The following GRM5 variants were observed in gnomAD, a reference collection of about 807,000 sequenced individuals.
GRM5 encodes glutamate metabotropic receptor 5.
GRM5 carries 19 observed loss-of-function variants against 83.1 expected under a neutral mutation model. That is an observed-to-expected ratio of 0.23 (90% CI 0.16 to 0.34). The LOEUF (loss-of-function observed/expected upper bound fraction) is 0.34. Ranked by LOEUF, GRM5 falls within the 10% of genes least tolerant of loss-of-function variation. The pLI is 1.00. For synonymous variants in GRM5, 675 were observed against 633.6 expected (o/e 1.07, Z -0.98); for missense variants, 1,160 against 1,588.3 (o/e 0.73, Z 4.58).
intron 6 of GRM5, among the ~76,000 whole-genome samples, chr11:88,594,761 A>C (rs1937753075): frequency 6.6e-6 from 1 of 152,216 alleles, no homozygotes; most frequent in African/African-American, 2.4e-5. Context: ...TCTTAATCAC[A>C]GATGAAAAAA....
At chr11:88,709,974 C>G (rs1402250192) in intron 3 of GRM5, among the ~76,000 whole-genome samples, 1 of 152,108 alleles carries the variant, frequency 6.6e-6, no homozygotes, top group Non-Finnish European at 1.5e-5. Context: ...GTTGAAGGCC[C>G]CTTTGGTTCT....
intron 2 of GRM5, among the ~76,000 whole-genome samples, chr11:89,013,129 T>C (rs1294700201): frequency 6.6e-6 from 1 of 152,230 alleles, no homozygotes; most frequent in Non-Finnish European, 1.5e-5. Context: ...ACAGTTAAGA[T>C]CAGACTTTAA....
At chr11:88,568,217 C>G (rs1485873294) in intron 7 of GRM5, among the ~76,000 whole-genome samples, 1 of 152,128 alleles carries the variant, frequency 6.6e-6, no homozygotes. Flanking sequence ...ATTCTAGGTT[C>G]TGAAACAAAA....
chr11:88,641,808 T>A (rs1018037751), intron 4 of GRM5, among the ~76,000 whole-genome samples: 2 of 152,204 alleles, frequency 1.3e-5, no homozygotes, highest in Non-Finnish European at 2.9e-5. Context: ...CTCCTGTGGC[T>A]TTGCAAGGTT....
intron 2 of GRM5, among the ~76,000 whole-genome samples, chr11:88,949,637 G>A (rs749140211): frequency 1.5e-4 from 23 of 151,992 alleles, no homozygotes; most frequent in Non-Finnish European, 2.9e-4. Flanking sequence ...AAATAATAAC[G>A]CATAGATTTT....
At chr11:88,779,310 A>C (rs938759476) in intron 3 of GRM5, among the ~76,000 whole-genome samples, 3 of 152,164 alleles carry the variant, frequency 2.0e-5, no homozygotes, top group African/African-American at 7.2e-5. Flanking sequence ...TATTCCTTCA[A>C]TTCTTCATCT....
At chr11:88,553,608 A>C (rs1429836054) in intron 8 of GRM5, among the ~76,000 whole-genome samples, 1 of 152,158 alleles carries the variant, frequency 6.6e-6, no homozygotes, top group Non-Finnish European at 1.5e-5. Flanking sequence ...ATTAAGATGG[A>C]TGGTATAGCA....
chr11:88,758,399 T>C lies in GRM5; in HGVS notation c.911+91507A>G, dbSNP rs114767420. 9.1e-3 allele frequency among the ~76,000 whole-genome samples: 1,383 copies of C among 152,216 alleles called. 18 individuals carry two copies. Among genetic ancestry groups the C allele is most frequent in the African/African-American group, 0.031 (1,304 of 41,536 alleles). On this transcript the variant is annotated intron_variant, in intron 3 of 9. Transcript: ENST00000305447. ...ATAGAAAAGTATGTAACCAACCCAA[T>C]AGACGTGGAAGACACACTACAAGAA...
At chr11:88,625,775 T>TTA (rs1363269506) in intron 4 of GRM5, among the ~76,000 whole-genome samples, 6 of 151,982 alleles carry the variant, frequency 3.9e-5, no homozygotes, top group African/African-American at 1.4e-4. Flanking sequence ...AATTCTAAAA[T>TTA]AAGAGTTGAA....
intron 3 of GRM5, among the ~76,000 whole-genome samples, chr11:88,787,097 G>C (rs1356390403): frequency 6.6e-6 from 1 of 151,020 alleles, no homozygotes; most frequent in African/African-American, 2.4e-5. Flanking sequence ...AAAACAAGCA[G>C]ATATCTTTAT....
rs77545829 is a variant in GRM5, at chr11:88,615,519, C to T, written c.1148-10555G>A. 7.4e-3 allele frequency among the ~76,000 whole-genome samples: 1,121 copies of T among 152,094 alleles called. 9 individuals are homozygous for T. Among genetic ancestry groups the T allele is most frequent in the African/African-American group, 0.026 (1,082 of 41,484 alleles). ...CCAGAGAAGGAAGCACATGGCTGAC[C>T]TTTCACCTTCTTCAGGTAGCTGAGA... On this transcript the variant is annotated intron_variant, in intron 4 of 9. Transcript: ENST00000305447.
At chr11:89,001,425 T>C (rs992384806) in intron 2 of GRM5, among the ~76,000 whole-genome samples, 6 of 152,100 alleles carry the variant, frequency 3.9e-5, no homozygotes, top group African/African-American at 1.2e-4. Context: ...CACCAGAGAA[T>C]AATGCTAAGT....
At chr11:88,514,775 G>A (rs1941476670) in intron 9 of GRM5, among the ~76,000 whole-genome samples, 1 of 152,090 alleles carries the variant, frequency 6.6e-6, no homozygotes, top group Non-Finnish European at 1.5e-5. Flanking sequence ...CAAATAAAGT[G>A]GATATTAACG....
chr11:88,980,823 A>C, intron 2 of GRM5, among the ~76,000 whole-genome samples: 1 of 151,886 alleles, frequency 6.6e-6, no homozygotes, highest in East Asian at 1.9e-4. Flanking sequence ...ACTCTGTCTC[A>C]AAAAAAATAA....
rs544607236 is a variant in GRM5, at chr11:88,874,254, G to A, written c.662-24099C>T. Among the ~76,000 whole-genome samples the A allele has an allele frequency of 6.6e-5, 10 of 151,788 alleles. No individual in the cohort carries two copies. The South Asian group carries it at 1.9e-3, about 28-fold the overall frequency. On this transcript the variant is annotated intron_variant, in intron 2 of 9. Transcript: ENST00000305447. ...ATAAAAAACAGACATATAGATCAAT[G>A]GAACAGAATAGAGAACCCAGAAATA...
intron 3 of GRM5, among the ~76,000 whole-genome samples, chr11:88,818,201 A>G (rs943042521): frequency 3.9e-5 from 6 of 152,142 alleles, no homozygotes; most frequent in Non-Finnish European, 8.8e-5. Context: ...AATGCCTTGG[A>G]GGACAGATGA....
chr11:88,654,658 G>A (rs1473952233), intron 3 of GRM5, among the ~76,000 whole-genome samples: 1 of 152,004 alleles, frequency 6.6e-6, no homozygotes, highest in Non-Finnish European at 1.5e-5. Flanking sequence ...AGTGGGGAGA[G>A]GACGTGGGAA....
At chr11:88,862,131 GACA>G (rs1013091322) in intron 2 of GRM5, among the ~76,000 whole-genome samples, 18 of 152,246 alleles carry the variant, frequency 1.2e-4, no homozygotes, top group African/African-American at 3.9e-4. Context: ...TATTATCAAG[GACA>G]GCACAGCTTA....
chr11:88,966,626 T>C (rs987506085), intron 2 of GRM5, among the ~76,000 whole-genome samples: 1 of 152,072 alleles, frequency 6.6e-6, no homozygotes, highest in Non-Finnish European at 1.5e-5. Context: ...TACTCTACTG[T>C]TGCGTTTTGG....
Sources: gnomAD v4.1 joint callset for allele counts (sites outside exome capture counted in the v4.1 genomes callset) on GRCh38, gnomAD v4.1.1 for gene constraint, MANE v1.5 for transcripts, NCBI Gene and HGNC (gene_info 2026-07-23, HGNC 2026-07-21) for gene names.